LRRC63: variants seen among roughly 807,000 people sequenced by gnomAD.
LRRC63 encodes leucine-rich repeat-containing protein 63.
A neutral mutation model predicts 49.5 loss-of-function variants in LRRC63; 40 were observed. That is an observed-to-expected ratio of 0.81 (90% confidence interval 0.63 to 1.05). LRRC63 has a LOEUF of 1.05. LRRC63 is among the 50% of genes least tolerant of loss of function. LRRC63 has a pLI of 0.00. For synonymous variants in LRRC63, 191 were observed against 221.1 expected (o/e 0.86, Z 1.21); for missense variants, 636 against 663.1 (o/e 0.96, Z 0.45).
intron 9 of LRRC63, among the ~76,000 whole-genome samples, chr13:46,271,812 A>AT (rs2047763170): frequency 6.6e-6 from 1 of 151,902 alleles, no homozygotes; most frequent in African/African-American, 2.4e-5. Flanking sequence ...AAAACTTGTC[A>AT]TTTTTCTGTA....
intron 4 of LRRC63, 104 bp downstream of exon 4, chr13:46,228,837 C>A: frequency 2.8e-6 from 2 of 714,164 alleles, no homozygotes; most frequent in Non-Finnish European, 4.8e-6. Flanking sequence ...TTCACACATG[C>A]ATAACACACA....
At chr13:46,273,902 ACT>A (rs1291390267) in intron 9 of LRRC63, among the ~76,000 whole-genome samples, 1 of 136,036 alleles carries the variant, frequency 7.4e-6, no homozygotes, top group African/African-American at 3.0e-5. Context: ...ACAGAGCAAG[ACT>A]CTGTCTCAAA....
chr13:46,238,748 A>G (rs2046973883), intron 5 of LRRC63, among the ~76,000 whole-genome samples: 2 of 152,200 alleles, frequency 1.3e-5, no homozygotes, highest in Non-Finnish European at 2.9e-5. Flanking sequence ...TTGGGTGGGG[A>G]CACAGCCAAA....
At chr13:46,246,461 C>A in intron 5 of LRRC63, 66 bp from the exon 6 acceptor site, 1 of 691,794 alleles carries the variant, frequency 1.4e-6, no homozygotes, top group Non-Finnish European at 2.2e-6. Flanking sequence ...TTTTGTTTTA[C>A]TCTTGTATAA....
intron 9 of LRRC63, among the ~76,000 whole-genome samples, chr13:46,272,058 C>T (rs1195975228): frequency 1.3e-5 from 2 of 152,184 alleles, no homozygotes; most frequent in African/African-American, 4.8e-5. Context: ...GTTACCTAAA[C>T]AAGTACTGCA....
chr13:46,253,065 G>T lies in LRRC63; in HGVS notation c.1226+2574G>T, dbSNP rs182059876. On this transcript the variant is annotated intron_variant, in intron 7 of 9. Transcript: ENST00000595396. ...AAAGGTGACCAGTTGGAAGGCCATTGCAGTAGTTCAAGCAAGAGATGAAGA... is the reference window on the plus strand; with the variant it reads ...AAAGGTGACCAGTTGGAAGGCCATTTCAGTAGTTCAAGCAAGAGATGAAGA... 1.1e-3 allele frequency among the ~76,000 whole-genome samples: 171 copies of T among 152,118 alleles called. 1 individual carries two copies. The highest frequency in any genetic ancestry group is 3.6e-3 in the African/African-American group (151 of 41,534).
chr13:46,224,659 T>C (rs1327144800), intron 2 of LRRC63, among the ~76,000 whole-genome samples: 2 of 152,246 alleles, frequency 1.3e-5, no homozygotes, highest in Non-Finnish European at 2.9e-5. Context: ...TGTGTCTTTA[T>C]ATTGATATCT....
chr13:46,229,656 G>T (rs1160652752), intron 4 of LRRC63, among the ~76,000 whole-genome samples: 1 of 152,202 alleles, frequency 6.6e-6, no homozygotes, highest in Non-Finnish European at 1.5e-5. Flanking sequence ...GCACAGTGGA[G>T]TGCAGCTGTA....
intron 8 of LRRC63, among the ~76,000 whole-genome samples, chr13:46,263,342 T>C (rs1278335340): frequency 6.6e-6 from 1 of 152,024 alleles, no homozygotes; most frequent in East Asian, 1.9e-4. Flanking sequence ...GCCTCGCTAA[T>C]TTTTTTATAT....
intron 9 of LRRC63, among the ~76,000 whole-genome samples, chr13:46,273,013 T>TC (rs1388889504): frequency 6.6e-6 from 1 of 152,198 alleles, no homozygotes; most frequent in East Asian, 1.9e-4. Flanking sequence ...TCTGTGTTTT[T>TC]CTCTCTATAT....
intron 4 of LRRC63, among the ~76,000 whole-genome samples, chr13:46,232,667 G>T (rs138652280): frequency 6.6e-6 from 1 of 151,994 alleles, no homozygotes; most frequent in Non-Finnish European, 1.5e-5. Flanking sequence ...AAGAGAGAGG[G>T]CGTATTATCC....
chr13:46,240,369 C>G (rs776212057), intron 5 of LRRC63, among the ~76,000 whole-genome samples: 2 of 151,940 alleles, frequency 1.3e-5, no homozygotes, highest in African/African-American at 4.8e-5. Flanking sequence ...CCTCATGATC[C>G]GCCCACCTCG....
At chr13:46,248,428 A>G (rs2047278680) in intron 6 of LRRC63, among the ~76,000 whole-genome samples, 1 of 151,956 alleles carries the variant, frequency 6.6e-6, no homozygotes. Context: ...TTAAGATTGA[A>G]GAGGTTGAAG....
At chr13:46,262,702 G>T (rs1925995) in intron 8 of LRRC63, among the ~76,000 whole-genome samples, 44,699 of 151,642 alleles carry the variant, frequency 0.29, 6,935 homozygotes, top group East Asian at 0.39. Context: ...TATGACTCAC[G>T]TCATATTTTT....
exon 3 of LRRC63, chr13:46,227,889 A>C: frequency 6.4e-7 from 1 of 1,550,612 alleles, no homozygotes; most frequent in Admixed American, 2.0e-5. Context: ...TCTTTCTTCC[A>C]AGTTTTCCAA....
chr13:46,276,610 G>T (rs1298951260), exon 10 of LRRC63: 1 of 1,230,792 alleles, frequency 8.1e-7, no homozygotes, highest in East Asian at 3.2e-5. Context: ...TGTGAATGGT[G>T]TCATGGTCCC....
chr13:46,268,617 GC>G (rs2047713468), intron 9 of LRRC63, among the ~76,000 whole-genome samples: 1 of 150,748 alleles, frequency 6.6e-6, no homozygotes, highest in Non-Finnish European at 1.5e-5. Flanking sequence ...ATATTATTTT[GC>G]CCAGCAAAGC....
Position 46,266,956 on chromosome 13 carries a change from CA to C in LRRC63, c.1535del (p.Gln512ArgfsTer4), listed in dbSNP as rs1293720105. ...TTATGATAAGATCCCAGTAGAAGTT[CA>C]GAAGTTACTAAAATGGTGAGCAAAT... On this transcript the variant is annotated frameshift_variant, in exon 9 of 10. Coordinates refer to ENST00000595396, the Ensembl canonical transcript of LRRC63. LOFTEE classifies it low-confidence loss of function (END_TRUNC). 35 of 1,535,356 alleles carry C rather than the reference CA, an allele frequency of 2.3e-5. No homozygotes were observed. Among genetic ancestry groups the C allele is most frequent in the Non-Finnish European group, 2.7e-5 (31 of 1,140,938 alleles).
chr13:46,255,645 A>AAAAAAAAAAAATATATAT (rs1555328641), intron 7 of LRRC63, among the ~76,000 whole-genome samples: 3 of 129,468 alleles, frequency 2.3e-5, no homozygotes, highest in African/African-American at 8.7e-5. Context: ...CCCTGCCTCA[A>AAAAAAAAAAAATATATAT]ATATATATAT....
Sources: gnomAD v4.1 joint callset for allele counts (sites outside exome capture counted in the v4.1 genomes callset) on GRCh38, gnomAD v4.1.1 for gene constraint, MANE v1.5 for transcripts, NCBI Gene and HGNC (gene_info 2026-07-23, HGNC 2026-07-21) for gene names.